Variants in WWC2 observed in about 807,000 individuals in gnomAD.
The protein encoded by WWC2 is protein WWC2.
In WWC2, 101 loss-of-function variants were observed where a neutral mutation model predicts 138.5. The observed-to-expected ratio is 0.73, with a 90% CI of 0.62 to 0.86. WWC2 has a LOEUF of 0.86. Ranked by LOEUF, WWC2 falls within the 40% of genes least tolerant of loss-of-function variation. The pLI, the probability that WWC2 is intolerant of heterozygous loss-of-function variation, is 0.00. For synonymous variants in WWC2, 558 were observed against 538.4 expected (o/e 1.04, Z -0.50); for missense variants, 1,420 against 1,419.4 (o/e 1.00, Z -0.01).
Position 183,286,047 on chromosome 4 carries a change from GA to G in WWC2, c.3130del (p.Arg1044GlyfsTer24). ...GAAACTCCACCGAACGCCGCAGTTT[GA>G]GGGTCAAAAGGGTATGTATTCCCTC... ...VRNSTERRSL[R>X]VKRTVCQSVL... On this transcript the variant is annotated frameshift_variant, in exon 20 of 23. Transcript: ENST00000403733. LOFTEE classifies it high-confidence loss of function. 1 of 1,576,708 alleles carries G rather than the reference GA, an allele frequency of 6.3e-7. No individual in the cohort carries two copies. Among genetic ancestry groups the G allele is most frequent in the Non-Finnish European group, 8.6e-7 (1 of 1,159,548 alleles).
intron 1 of WWC2, among the ~76,000 whole-genome samples, chr4:183,121,548 G>T (rs886458834): frequency 1.1e-4 from 16 of 151,902 alleles, no homozygotes; most frequent in African/African-American, 3.6e-4. Flanking sequence ...TGGGTCAGAG[G>T]TATATACATT....
intron 11 of WWC2, 135 bp downstream of exon 11, chr4:183,261,667 TAAG>T: frequency 9.4e-7 from 1 of 1,065,394 alleles, no homozygotes; most frequent in Non-Finnish European, 1.3e-6. Flanking sequence ...TGGCTTCATT[TAAG>T]AAGGAGCTTT....
rs1214454673 is a variant in WWC2 at position 183,265,728 on chromosome 4, G to T, written c.2080G>T (p.Val694Leu). 2 of 1,611,876 alleles carry T rather than the reference G, an allele frequency of 1.2e-6. No individual in the cohort carries two copies. The highest frequency in any genetic ancestry group is 8.5e-7 in the Non-Finnish European group (1 of 1,179,038). ...AGATGTCACATACAGTGAAGAGGAT[G>T]TAGCCATTGTAGAGACCGCCCAGGT... ...MEDVTYSEED[V>L]AIVETAQVQI... is the part of the protein sequence containing the mutation. The change falls in exon 13 of 23, where the codon GTA (valine) becomes TTA (leucine). Residue 694 changes from valine (V) to leucine (L), a missense_variant. By Grantham distance (32) the Val-to-Leu change is conservative. Coordinates refer to ENST00000403733, the MANE Select transcript of WWC2 (RefSeq NM_024949.6).
At chr4:183,184,069 A>G (rs1235435712) in intron 1 of WWC2, among the ~76,000 whole-genome samples, 2 of 152,204 alleles carry the variant, frequency 1.3e-5, no homozygotes, top group African/African-American at 4.8e-5. Context: ...ATGTTGTGCA[A>G]CCAACCCCTA....
At chr4:183,215,071 T>C (rs534346954) in intron 4 of WWC2, among the ~76,000 whole-genome samples, 1 of 152,218 alleles carries the variant, frequency 6.6e-6, no homozygotes, top group African/African-American at 2.4e-5. Flanking sequence ...CCCCAGTGGA[T>C]GCCTGAAGCC....
chr4:183,265,147 T>G (rs1737459604), intron 12 of WWC2, 40 bp downstream of exon 12: 6 of 1,576,158 alleles, frequency 3.8e-6, no homozygotes, highest in Non-Finnish European at 5.2e-6. Context: ...CCAGCGAATC[T>G]CCATCGCCGT....
chr4:183,226,793 A>G (rs1234983833), intron 4 of WWC2, among the ~76,000 whole-genome samples: 1 of 152,070 alleles, frequency 6.6e-6, no homozygotes, highest in African/African-American at 2.4e-5. Context: ...TCCACACTGT[A>G]TGTCTCCTTC....
At chr4:183,236,762 T>C (rs930970423) in intron 4 of WWC2, among the ~76,000 whole-genome samples, 5 of 152,236 alleles carry the variant, frequency 3.3e-5, no homozygotes, top group Non-Finnish European at 1.5e-5. Flanking sequence ...TTTTTGGTTC[T>C]GTATAAATCT....
At chr4:183,170,031 A>G (rs1048366310) in intron 1 of WWC2, among the ~76,000 whole-genome samples, 1 of 152,226 alleles carries the variant, frequency 6.6e-6, no homozygotes, top group African/African-American at 2.4e-5. Flanking sequence ...TTATTTGGAA[A>G]GTAGGTTTTC....
intron 1 of WWC2, among the ~76,000 whole-genome samples, chr4:183,118,708 T>C (rs1352052485): frequency 6.6e-6 from 1 of 152,198 alleles, no homozygotes; most frequent in African/African-American, 2.4e-5. Context: ...AAGGGAGGAA[T>C]GCAGTAGAAG....
At chr4:183,304,281 G>C (rs2111106817) in intron 21 of WWC2, among the ~76,000 whole-genome samples, 1 of 152,218 alleles carries the variant, frequency 6.6e-6, no homozygotes, top group Middle Eastern at 3.4e-3. Flanking sequence ...ACTGGGGTAA[G>C]AAAACCTAAA....
intron 4 of WWC2, among the ~76,000 whole-genome samples, chr4:183,226,554 C>T (rs1736078975): frequency 6.6e-6 from 1 of 151,816 alleles, no homozygotes; most frequent in East Asian, 1.9e-4. Flanking sequence ...TCTTAAGGAA[C>T]AGACTAAACT....
At chr4:183,155,189 G>GGGGAGAGAGAGA (rs1554067851) in intron 1 of WWC2, among the ~76,000 whole-genome samples, 3 of 103,660 alleles carry the variant, frequency 2.9e-5, no homozygotes, top group African/African-American at 1.0e-4. Context: ...CATCTTCTGA[G>GGGGAGAGAGAGA]GAGAGAGAGA....
intron 21 of WWC2, among the ~76,000 whole-genome samples, chr4:183,305,446 G>C (rs1037904964): frequency 2.0e-5 from 3 of 151,640 alleles, no homozygotes; most frequent in Non-Finnish European, 2.9e-5. Context: ...CACACACACA[G>C]AACATTACAC....
intron 20 of WWC2, among the ~76,000 whole-genome samples, chr4:183,287,282 T>A (rs1383289814): frequency 1.3e-5 from 2 of 152,206 alleles, no homozygotes; most frequent in Non-Finnish European, 2.9e-5. Context: ...CATTCGTCAT[T>A]TTCAGGAAAT....
intron 1 of WWC2, among the ~76,000 whole-genome samples, chr4:183,164,177 A>G (rs1734038553): frequency 6.6e-6 from 1 of 150,778 alleles, no homozygotes. Context: ...GTAAGATTGC[A>G]TGATCTTAAG....
chr4:183,261,091 C>A lies in WWC2; in HGVS notation c.1468C>A (p.Leu490Met). ...VDYQYKLDFL[L>M]QEKSGYIPSG... ...TTATCAGTATAAACTGGACTTCCTT[C>A]TGCAAGAGAAAAGCGGTTACATTCC... Residue 490 changes from leucine to methionine, a missense_variant, in exon 11 of 23, where the codon CTG becomes ATG. Coordinates refer to ENST00000403733, the MANE Select transcript of WWC2 (RefSeq NM_024949.6). 6.2e-7 allele frequency: 1 copy of A among 1,613,994 alleles called. No homozygotes were observed. Among genetic ancestry groups the A allele is most frequent in the Non-Finnish European group, 8.5e-7 (1 of 1,179,886 alleles).
chr4:183,106,098 C>T (rs191557352), intron 1 of WWC2, among the ~76,000 whole-genome samples: 107 of 151,966 alleles, frequency 7.0e-4, no homozygotes, highest in African/African-American at 2.5e-3. Flanking sequence ...GCAATTCTGC[C>T]TCAGCCTCCC....
At chr4:183,270,749 G>A (rs1427805618) in intron 15 of WWC2, among the ~76,000 whole-genome samples, 1 of 152,134 alleles carries the variant, frequency 6.6e-6, no homozygotes, top group Non-Finnish European at 1.5e-5. Context: ...GGGAGTCAGA[G>A]CAAGACTCCA....
Sources: gnomAD v4.1 joint callset for allele counts (sites outside exome capture counted in the v4.1 genomes callset) on GRCh38, gnomAD v4.1.1 for gene constraint, MANE v1.5 for transcripts, NCBI Gene and HGNC (gene_info 2026-07-23, HGNC 2026-07-21) for gene names.